Variants in RASGRF2 observed in about 807,000 individuals in gnomAD.
RASGRF2 encodes the protein ras-specific guanine nucleotide-releasing factor 2.
In RASGRF2, 76 loss-of-function variants were observed where a neutral mutation model predicts 151.0. That is an observed-to-expected ratio of 0.50 (90% CI 0.42 to 0.61). RASGRF2 has a LOEUF of 0.61. Among genes scored for constraint, RASGRF2 ranks in the 20% least tolerant of loss-of-function variants. RASGRF2 has a pLI of 0.00. For missense variants in RASGRF2, 1,148 were observed against 1,564.6 expected (o/e 0.73, Z 4.49); for synonymous variants, 504 against 566.5 (o/e 0.89, Z 1.57).
intron 1 of RASGRF2, among the ~76,000 whole-genome samples, chr5:80,970,407 A>G (rs1747893210): frequency 6.6e-6 from 1 of 152,194 alleles, no homozygotes. Flanking sequence ...TGAGGGGAAC[A>G]GTGGGAATAT....
At chr5:81,026,081 C>G in intron 1 of RASGRF2, among the ~76,000 whole-genome samples, 2 of 145,170 alleles carry the variant, frequency 1.4e-5, no homozygotes, top group Non-Finnish European at 3.0e-5. Context: ...CTCTCCCTCC[C>G]TTCCTTCCTC....
chr5:81,113,899 C>T lies in RASGRF2; in HGVS notation c.2449C>T (p.Leu817=). Residue 817 remains leucine, a synonymous_variant, in exon 15 of 27, where the codon CTA becomes TTA. Coordinates refer to ENST00000265080, the MANE Select transcript of RASGRF2 (RefSeq NM_006909.3). ...DNPRVDLCNK[L]KRSIQKAVLE... is the part of the protein sequence containing the mutation. Reference sequence around the variant, plus strand: ...CCCACGCGTGGATCTGTGTAACAAGCTAAAACGAAGTATTCAAAAAGGTAT... The same window carrying T: ...CCCACGCGTGGATCTGTGTAACAAGTTAAAACGAAGTATTCAAAAAGGTAT... 1 of 1,613,596 alleles carries T rather than the reference C, an allele frequency of 6.2e-7. No homozygotes were observed. The highest frequency in any genetic ancestry group is 8.5e-7 in the Non-Finnish European group (1 of 1,179,750).
chr5:81,148,041 G>A (rs1000277191), intron 17 of RASGRF2, among the ~76,000 whole-genome samples: 6 of 152,160 alleles, frequency 3.9e-5, no homozygotes, highest in African/African-American at 1.4e-4. Context: ...TTAATGACCT[G>A]CAAGTGATGT....
At chr5:81,168,308 TC>T (rs1364594482) in intron 17 of RASGRF2, among the ~76,000 whole-genome samples, 1 of 79,790 alleles carries the variant, frequency 1.3e-5, no homozygotes, top group African/African-American at 5.4e-5. Flanking sequence ...TTTTTTCTTC[TC>T]TTTTTTTTTT....
chr5:81,000,344 C>T (rs570068798), intron 1 of RASGRF2, among the ~76,000 whole-genome samples: 6 of 152,308 alleles, frequency 3.9e-5, no homozygotes, highest in South Asian at 4.1e-4. Flanking sequence ...TGGGTTCAAG[C>T]GATTCTTCTG....
chr5:80,969,123 C>CTTTTT (rs551407326), intron 1 of RASGRF2, among the ~76,000 whole-genome samples: 1 of 93,358 alleles, frequency 1.1e-5, no homozygotes, highest in Non-Finnish European at 2.0e-5. Flanking sequence ...GTGCAGGACT[C>CTTTTT]TTTTTTTTTT....
At chr5:81,008,139 CTTTTTTTT>C (rs58105434) in intron 1 of RASGRF2, among the ~76,000 whole-genome samples, 24 of 85,412 alleles carry the variant, frequency 2.8e-4, no homozygotes, top group Non-Finnish European at 3.8e-4. Flanking sequence ...TCTTTCTTTC[CTTTTTTTT>C]TTTTTTTTTT....
At chr5:80,993,781 AG>A (rs562612101) in intron 1 of RASGRF2, among the ~76,000 whole-genome samples, 100 of 152,302 alleles carry the variant, frequency 6.6e-4, no homozygotes, top group African/African-American at 2.2e-3. Context: ...CAATCGTGGT[AG>A]GGAGTTGAGC....
intron 2 of RASGRF2, among the ~76,000 whole-genome samples, chr5:81,054,930 T>C (rs184193704): frequency 0.017 from 2,550 of 146,934 alleles, 49 homozygotes; most frequent in African/African-American, 0.058. Context: ...CTCTGTTTGC[T>C]TGTTATTGGT....
intron 1 of RASGRF2, among the ~76,000 whole-genome samples, chr5:80,972,554 A>G (rs1489714079): frequency 6.6e-6 from 1 of 151,982 alleles, no homozygotes; most frequent in African/African-American, 2.4e-5. Context: ...AGCTCAGCTC[A>G]CTGCAGTCTT....
chr5:81,151,642 G>T (rs971656225), intron 17 of RASGRF2, among the ~76,000 whole-genome samples: 2 of 152,122 alleles, frequency 1.3e-5, no homozygotes, highest in Non-Finnish European at 2.9e-5. Context: ...TTATTTCACT[G>T]ACTGTGGTCA....
intron 1 of RASGRF2, among the ~76,000 whole-genome samples, chr5:80,999,410 A>G (rs927669839): frequency 1.3e-5 from 2 of 152,038 alleles, no homozygotes; most frequent in Non-Finnish European, 2.9e-5. Context: ...TGCTGCGATC[A>G]TAGCTCACTG....
intron 4 of RASGRF2, among the ~76,000 whole-genome samples, chr5:81,071,992 CTTCT>C (rs1480080273): frequency 6.6e-6 from 1 of 151,810 alleles, no homozygotes; most frequent in Non-Finnish European, 1.5e-5. Context: ...ATTTTTCTAC[CTTCT>C]TGTTTCTTAA....
intron 22 of RASGRF2, among the ~76,000 whole-genome samples, chr5:81,211,734 A>T (rs1015683448): frequency 3.9e-5 from 6 of 152,116 alleles, no homozygotes; most frequent in African/African-American, 1.2e-4. Context: ...TCTCCATATT[A>T]CAAGAGCTGA....
In RASGRF2 at chr5:81,127,172, G is replaced by A. The variant is rs761933129; in HGVS notation, c.2686+9G>A. 17 of 1,611,058 alleles carry A rather than the reference G, an allele frequency of 1.1e-5. No homozygotes were observed. Among genetic ancestry groups the A allele is most frequent in the African/African-American group, 2.7e-5 (2 of 74,842 alleles). On this transcript the variant is annotated intron_variant, in intron 17 of 26. Transcript: ENST00000265080. ...ACATGGGAGTCCACCAGGTGAGTAG[G>A]GGAGCAGCTATGTACAGATATGTGA...
At chr5:81,028,477 ATATC>A (rs1750117939) in intron 1 of RASGRF2, among the ~76,000 whole-genome samples, 1 of 152,046 alleles carries the variant, frequency 6.6e-6, no homozygotes, top group Admixed American at 6.5e-5. Context: ...CCAATTCTAT[ATATC>A]TATCTGGCCC....
chr5:81,034,495 C>CA (rs1750394137), intron 1 of RASGRF2, among the ~76,000 whole-genome samples: 3 of 152,002 alleles, frequency 2.0e-5, no homozygotes, highest in African/African-American at 7.2e-5. Flanking sequence ...AAGACACATG[C>CA]ACACGTATGT....
intron 2 of RASGRF2, among the ~76,000 whole-genome samples, chr5:81,048,943 G>A (rs901441919): frequency 4.0e-5 from 6 of 151,836 alleles, no homozygotes; most frequent in African/African-American, 1.2e-4. Context: ...CATGCAGCCC[G>A]GCTTCTTGAA....
chr5:80,962,213 T>G (rs562499661), intron 1 of RASGRF2, among the ~76,000 whole-genome samples: 16 of 152,364 alleles, frequency 1.1e-4, no homozygotes, highest in Middle Eastern at 3.4e-3. Context: ...TGATTAAACT[T>G]GTTATAACAC....
Sources: gnomAD v4.1 joint callset for allele counts (sites outside exome capture counted in the v4.1 genomes callset) on GRCh38, gnomAD v4.1.1 for gene constraint, MANE v1.5 for transcripts, NCBI Gene and HGNC (gene_info 2026-07-23, HGNC 2026-07-21) for gene names.